Variants in SMAD3 observed in about 807,000 individuals in gnomAD.
SMAD3 encodes the protein SMAD family member 3.
SMAD3 carries 12 observed loss-of-function variants against 51.8 expected under a neutral mutation model. The ratio of observed to expected loss-of-function variants is 0.23; its 90% CI spans 0.15 to 0.38. The LOEUF is 0.38. SMAD3 is among the 10% of genes least tolerant of loss of function. The pLI is 1.00. For synonymous variants in SMAD3, 238 were observed against 227.7 expected, an observed-to-expected ratio of 1.05 and a Z score of -0.41; for missense variants, 294 against 565.6, an observed-to-expected ratio of 0.52 and a Z score of 4.87.
chr15:67,183,000 A>AATATATAT (rs1555413788), intron 6 of SMAD3, among the ~76,000 whole-genome samples: 2 of 43,648 alleles, frequency 4.6e-5, no homozygotes, highest in African/African-American at 1.4e-4. Flanking sequence ...AAAAAAAAAA[A>AATATATAT]ATATATATAT....
At chr15:67,155,805 G>C (rs538119675) in intron 1 of SMAD3, among the ~76,000 whole-genome samples, 24 of 152,222 alleles carry the variant, frequency 1.6e-4, no homozygotes, top group Admixed American at 6.5e-4. Context: ...GGCCAACACG[G>C]TGAAACCCCA....
chr15:67,183,031 ATTTTTT>A (rs57749736), intron 6 of SMAD3, among the ~76,000 whole-genome samples: 34 of 29,692 alleles, frequency 1.1e-3, no homozygotes, highest in Middle Eastern at 0.045. Flanking sequence ...ATATATATAT[ATTTTTT>A]TTTTTTTTTT....
At chr15:67,148,121 C>T (rs1269980983) in intron 1 of SMAD3, among the ~76,000 whole-genome samples, 3 of 152,168 alleles carry the variant, frequency 2.0e-5, no homozygotes, top group African/African-American at 7.2e-5. Flanking sequence ...GAAGTGTAGA[C>T]ACAGAACACC....
At chr15:67,177,133 CCT>C (rs764879111) in intron 5 of SMAD3, among the ~76,000 whole-genome samples, 2 of 152,132 alleles carry the variant, frequency 1.3e-5, no homozygotes, top group Non-Finnish European at 2.9e-5. Flanking sequence ...GCCACCTCCC[CCT>C]GAGAGATTTC....
Position 67,113,072 on chromosome 15 carries a change from A to ATATG in SMAD3, c.206+46713_206+46714insATGT, listed in dbSNP as rs1321740883. 3.3e-3 allele frequency among the ~76,000 whole-genome samples: 118 copies of ATATG among 35,962 alleles called. 18 individuals are homozygous for ATATG. Among genetic ancestry groups the ATATG allele is most frequent in the Non-Finnish European group, 4.3e-3 (83 of 19,280 alleles). The allele number at this position is 35,962 out of a possible 152,430, so 23.6% of individuals were successfully genotyped here. Reference sequence around the variant, plus strand: ...TAATCAACTTTTAAAATATATATATATGTGTATATATATATATATATATTT... The same window carrying ATATG: ...TAATCAACTTTTAAAATATATATATATATGTGTGTATATATATATATATATATTT... On this transcript the variant is annotated intron_variant, in intron 1 of 8. Transcript: ENST00000327367.
intron 1 of SMAD3, among the ~76,000 whole-genome samples, chr15:67,151,100 C>A (rs927912010): frequency 4.0e-5 from 6 of 151,636 alleles, no homozygotes; most frequent in African/African-American, 1.5e-4. Flanking sequence ...CTCAGGTGAT[C>A]TGCCCACCTT....
chr15:67,071,178 G>A (rs1803647237), intron 1 of SMAD3, among the ~76,000 whole-genome samples: 1 of 152,170 alleles, frequency 6.6e-6, no homozygotes, highest in African/African-American at 2.4e-5. Flanking sequence ...GAGAACCCAT[G>A]AGAGGTGGAA....
chr15:67,171,019 ATAATTGTG>A (rs1853668118), intron 5 of SMAD3, among the ~76,000 whole-genome samples: 1 of 152,192 alleles, frequency 6.6e-6, no homozygotes, highest in Admixed American at 6.5e-5. Context: ...GTTTCATCTT[ATAATTGTG>A]TAATTTTTCT....
In SMAD3 at chr15:67,194,842, C is replaced by G. The variant is rs1242245760; in HGVS notation, c.*4306C>G. ...TCCCTTGCTAGGGGTGAAAGCATTA[C>G]AGAGAGATGGAGCCATCTATCCAAG... On this transcript the variant is annotated 3_prime_UTR_variant, in exon 9 of 9. Coordinates refer to ENST00000327367, the MANE Select transcript of SMAD3 (RefSeq NM_005902.4). 1.3e-5 allele frequency: 3 copies of G among 233,116 alleles called. No individual in the cohort carries two copies. The highest frequency in any genetic ancestry group is 4.4e-5 in the African/African-American group (2 of 45,312). The allele number at this position is 233,116 out of a possible 1,614,324, so 14.4% of individuals were successfully genotyped here.
chr15:67,086,444 G>A (rs1248012199), intron 1 of SMAD3, among the ~76,000 whole-genome samples: 1 of 152,140 alleles, frequency 6.6e-6, no homozygotes, highest in Non-Finnish European at 1.5e-5. Context: ...AGGTCAAACT[G>A]GGAAGGGGCA....
intron 1 of SMAD3, among the ~76,000 whole-genome samples, chr15:67,088,300 C>G (rs1450202847): frequency 6.6e-6 from 1 of 152,008 alleles, no homozygotes. Context: ...CTGTTCTTGT[C>G]TTAGCTTTAC....
chr15:67,170,085 G>A (rs1044789073), intron 4 of SMAD3, among the ~76,000 whole-genome samples: 2 of 152,184 alleles, frequency 1.3e-5, no homozygotes, highest in Admixed American at 1.3e-4. Flanking sequence ...GGTGATGCTG[G>A]GGAGGCCTCA....
intron 1 of SMAD3, among the ~76,000 whole-genome samples, chr15:67,072,769 C>A (rs1222830257): frequency 6.6e-6 from 1 of 152,204 alleles, no homozygotes; most frequent in Non-Finnish European, 1.5e-5. Flanking sequence ...GTCCCTGAGC[C>A]ATGGAGCCTT....
chr15:67,083,105 C>A (rs1181315816), intron 1 of SMAD3, among the ~76,000 whole-genome samples: 1 of 152,204 alleles, frequency 6.6e-6, no homozygotes, highest in Non-Finnish European at 1.5e-5. Context: ...TCTTCAGTTT[C>A]CAGAAGCAGT....
intron 1 of SMAD3, among the ~76,000 whole-genome samples, chr15:67,089,770 C>T (rs536040249): frequency 2.6e-5 from 4 of 152,362 alleles, no homozygotes; most frequent in African/African-American, 9.6e-5. Context: ...TTTCATCTCC[C>T]TGACAGTCCC....
chr15:67,164,741 C>G (rs932375688), intron 1 of SMAD3, among the ~76,000 whole-genome samples, 154 bp from the exon 2 acceptor site: 3 of 152,228 alleles, frequency 2.0e-5, no homozygotes, highest in Non-Finnish European at 2.9e-5. Flanking sequence ...CCAGCACTCT[C>G]AGCTAGCAGT....
chr15:67,183,038 T>A (rs931683607), intron 6 of SMAD3, among the ~76,000 whole-genome samples: 348 of 108,170 alleles, frequency 3.2e-3, no homozygotes, highest in Middle Eastern at 4.3e-3. Flanking sequence ...TATATTTTTT[T>A]TTTTTTTTTT....
chr15:67,132,185 A>G (rs563284117), intron 1 of SMAD3, among the ~76,000 whole-genome samples: 47 of 152,342 alleles, frequency 3.1e-4, no homozygotes, highest in African/African-American at 1.1e-3. Context: ...CTCAGCGATC[A>G]GCCACATAGA....
intron 1 of SMAD3, among the ~76,000 whole-genome samples, chr15:67,126,409 C>CTTGGCCTCTCCCTAGAAA (rs1197620787): frequency 6.6e-6 from 1 of 152,148 alleles, no homozygotes; most frequent in Non-Finnish European, 1.5e-5. Flanking sequence ...CTGTCTGTTT[C>CTTGGCCTCTCCCTAGAAA]TTGGCCTCTC....
Sources: gnomAD v4.1 joint callset for allele counts (sites outside exome capture counted in the v4.1 genomes callset) on GRCh38, gnomAD v4.1.1 for gene constraint, MANE v1.5 for transcripts, NCBI Gene and HGNC (gene_info 2026-07-23, HGNC 2026-07-21) for gene names.